EPHA6: variants seen among roughly 807,000 people sequenced by gnomAD.
The protein encoded by EPHA6 is EPH receptor A6.
A neutral mutation model predicts 112.0 loss-of-function variants in EPHA6; 50 were observed. That is an observed-to-expected ratio of 0.45 (90% confidence interval 0.36 to 0.56). The LOEUF (loss-of-function observed/expected upper bound fraction) is 0.56, where lower values mean the gene tolerates loss of function less well. Ranked by LOEUF, EPHA6 falls within the 20% of genes least tolerant of loss-of-function variation. The pLI is 0.00. For synonymous variants in EPHA6, 529 were observed against 490.7 expected, an observed-to-expected ratio of 1.08 and a Z score of -1.03; for missense variants, 1,280 against 1,417.4, an observed-to-expected ratio of 0.90 and a Z score of 1.56.
intron 1 of EPHA6, among the ~76,000 whole-genome samples, chr3:96,864,664 C>T (rs557719641): frequency 2.6e-5 from 4 of 151,976 alleles, no homozygotes; most frequent in Non-Finnish European, 4.4e-5. Flanking sequence ...CAAAAATGTA[C>T]ATTTAAAGAG....
intron 3 of EPHA6, among the ~76,000 whole-genome samples, chr3:97,043,188 C>T (rs990619021): frequency 1.3e-5 from 2 of 152,012 alleles, no homozygotes; most frequent in African/African-American, 4.8e-5. Flanking sequence ...TCTGTATTTC[C>T]TGAACCAAAG....
chr3:97,323,630 A>C (rs562627601), intron 5 of EPHA6, among the ~76,000 whole-genome samples: 3,376 of 137,418 alleles, frequency 0.025, 175 homozygotes, highest in African/African-American at 0.11. Context: ...AAGCTCTAGA[A>C]ATCTAACTAT....
At position 97,761,073 on chromosome 3, in the gene EPHA6, G is replaced by A. The variant is rs1313627170; in HGVS notation, c.*12372G>A. ...TCTTTTCTGGTTATAATCACAATAT[G>A]GTAGAGCTATAAACAAGGTAAAAAG... On this transcript the variant is annotated 3_prime_UTR_variant, in exon 18 of 18. Coordinates refer to ENST00000389672, the MANE Select transcript of EPHA6 (RefSeq NM_001080448.3). The A allele has an allele frequency of 1.9e-5, 4 of 208,488 alleles. No individual in the cohort carries two copies. Among genetic ancestry groups the A allele is most frequent in the African/African-American group, 9.1e-5 (4 of 43,928 alleles). 12.9% of individuals were successfully genotyped at this position (208,488 alleles called of 1,614,324 possible). A position where few individuals can be genotyped will look rare whatever the true frequency, so the allele number is the denominator to read the frequency against.
At chr3:97,531,355 C>T (rs2092692862) in intron 10 of EPHA6, among the ~76,000 whole-genome samples, 1 of 151,952 alleles carries the variant, frequency 6.6e-6, no homozygotes, top group South Asian at 2.1e-4. Context: ...CACAATAACC[C>T]CTTCTGTCTC....
intron 11 of EPHA6, among the ~76,000 whole-genome samples, chr3:97,564,654 A>C (rs1172569514): frequency 6.6e-6 from 1 of 152,202 alleles, no homozygotes; most frequent in Non-Finnish European, 1.5e-5. Context: ...TTTTCCTAAA[A>C]GGTAAACAAC....
chr3:97,376,129 C>A (rs1156625838), intron 5 of EPHA6, among the ~76,000 whole-genome samples: 1 of 151,994 alleles, frequency 6.6e-6, no homozygotes, highest in Non-Finnish European at 1.5e-5. Flanking sequence ...CATAAATTTT[C>A]ACAAATAAAA....
intron 10 of EPHA6, among the ~76,000 whole-genome samples, chr3:97,525,876 TCA>T (rs1300526591): frequency 6.6e-6 from 1 of 152,134 alleles, no homozygotes; most frequent in Non-Finnish European, 1.5e-5. Flanking sequence ...GCTTCAGGAT[TCA>T]CAGATTGCAG....
At chr3:97,188,123 G>A (rs2077204363) in intron 3 of EPHA6, among the ~76,000 whole-genome samples, 1 of 151,998 alleles carries the variant, frequency 6.6e-6, no homozygotes, top group Non-Finnish European at 1.5e-5. Flanking sequence ...TATTTTTCCA[G>A]GAAAATATTC....
intron 2 of EPHA6, among the ~76,000 whole-genome samples, chr3:96,893,713 G>T (rs1174029325): frequency 6.6e-6 from 1 of 152,172 alleles, no homozygotes; most frequent in Non-Finnish European, 1.5e-5. Flanking sequence ...GATCTAGCAT[G>T]AAGACCAGAC....
At chr3:97,109,784 C>T (rs1393815538) in intron 3 of EPHA6, among the ~76,000 whole-genome samples, 1 of 152,054 alleles carries the variant, frequency 6.6e-6, no homozygotes, top group Non-Finnish European at 1.5e-5. Flanking sequence ...GACAGAGGCT[C>T]CTGACCTTAT....
chr3:97,252,930 C>G (rs1340148873), intron 5 of EPHA6, among the ~76,000 whole-genome samples: 1 of 152,120 alleles, frequency 6.6e-6, no homozygotes, highest in Non-Finnish European at 1.5e-5. Context: ...ATTTACCTCT[C>G]TGTGTTACTC....
intron 15 of EPHA6, among the ~76,000 whole-genome samples, chr3:97,723,489 A>G (rs987574156): frequency 6.6e-6 from 1 of 152,214 alleles, no homozygotes; most frequent in East Asian, 1.9e-4. Flanking sequence ...TGCTGCAGCC[A>G]GGAATAGAGT....
At chr3:96,821,846 T>A (rs768316869) in intron 1 of EPHA6, among the ~76,000 whole-genome samples, 9 of 151,910 alleles carry the variant, frequency 5.9e-5, no homozygotes, top group African/African-American at 1.9e-4. Flanking sequence ...TCAGGCATTA[T>A]GCTAAGTATT....
chr3:97,733,358 A>T (rs2035121451), intron 15 of EPHA6, among the ~76,000 whole-genome samples: 1 of 152,196 alleles, frequency 6.6e-6, no homozygotes, highest in African/African-American at 2.4e-5. Context: ...AGTTTATGAG[A>T]TCATTTTTGG....
At chr3:96,955,270 C>A (rs969628681) in intron 2 of EPHA6, among the ~76,000 whole-genome samples, 8 of 152,026 alleles carry the variant, frequency 5.3e-5, no homozygotes, top group Non-Finnish European at 1.0e-4. Context: ...TCACATGTGT[C>A]TTTACATTAA....
In EPHA6 at chr3:97,444,398, A is replaced by G. The variant is rs57750083; in HGVS notation, c.1732-4170A>G. Among the ~76,000 whole-genome samples the G allele has an allele frequency of 7.5e-3, 1,143 of 152,192 alleles. 13 individuals carry two copies. The highest frequency in any genetic ancestry group is 0.02 in the African/African-American group (851 of 41,548). ...GAGAGGGAGATGAGGAATGATGACA[A>G]TGATTCATAGCAGAAGGAAAAACAC... On this transcript the variant is annotated intron_variant, in intron 6 of 17. Transcript: ENST00000389672.
rs112559255 is a variant in EPHA6 at position 97,653,570 on chromosome 3, A to ACAGC, written c.2784+15489_2784+15492dup. ...ATTGTGCATGGTAATGTAAATTGGT[A>ACAGC]CAGCTATCATGGAAAACAGTCTAGA... is the stretch of plus-strand genomic sequence containing the variant. On this transcript the variant is annotated intron_variant, in intron 14 of 17. Coordinates refer to ENST00000389672, the MANE Select transcript of EPHA6 (RefSeq NM_001080448.3). Among the ~76,000 whole-genome samples, 554 of 152,106 alleles carry ACAGC rather than the reference A, an allele frequency of 3.6e-3. 2 individuals are homozygous for ACAGC. The highest frequency in any genetic ancestry group is 0.012 in the African/African-American group (519 of 41,554).
chr3:97,718,595 T>A (rs2034359467), intron 14 of EPHA6, among the ~76,000 whole-genome samples: 1 of 152,180 alleles, frequency 6.6e-6, no homozygotes. Flanking sequence ...AGTCCCTTAT[T>A]TTATCTGGCT....
chr3:97,012,297 T>C lies in EPHA6; in HGVS notation c.1114+24304T>C, dbSNP rs974815886. Among the ~76,000 whole-genome samples, 5 of 151,680 alleles carry C rather than the reference T, an allele frequency of 3.3e-5. No homozygotes were observed. The East Asian group carries it at 7.7e-4, about 23-fold the overall frequency. On this transcript the variant is annotated intron_variant, in intron 3 of 17. Coordinates refer to ENST00000389672, the MANE Select transcript of EPHA6 (RefSeq NM_001080448.3). ...ACAGTATATAAGTTTTCCCTTTTCT[T>C]TGCAGCCTCACCAGCATCTGTTTTT...
Sources: allele counts gnomAD v4.1 joint callset (sites outside exome capture counted in the v4.1 genomes callset), GRCh38; gene constraint gnomAD v4.1.1; transcripts MANE v1.5; gene names NCBI Gene and HGNC (gene_info 2026-07-23, HGNC 2026-07-21).